Variants in EPB41L4B observed in about 807,000 individuals in gnomAD.
EPB41L4B encodes the protein erythrocyte membrane protein band 4.1 like 4B, also known as band 4.1-like protein 4B.
EPB41L4B carries 30 observed loss-of-function variants against 112.5 expected under a neutral mutation model. The ratio of observed to expected loss-of-function variants is 0.27; its 90% CI spans 0.20 to 0.36. EPB41L4B has a LOEUF of 0.36. Ranked by LOEUF, EPB41L4B falls within the 10% of genes least tolerant of loss-of-function variation. The pLI, the probability that EPB41L4B is intolerant of heterozygous loss-of-function variation, is 1.00. For synonymous variants in EPB41L4B, 408 were observed against 439.7 expected (o/e 0.93, Z 0.90); for missense variants, 1,024 against 1,133.3 (o/e 0.90, Z 1.38).
chr9:109,279,982 G>T, intron 1 of EPB41L4B, 61 bp from the exon 2 acceptor site: 2 of 1,336,748 alleles, frequency 1.5e-6, no homozygotes, highest in Non-Finnish European at 2.1e-6. Flanking sequence ...AGAAAAAAAA[G>T]GTTAAAAAAA....
At chr9:109,316,532 G>A (rs1040039597) in intron 1 of EPB41L4B, among the ~76,000 whole-genome samples, 12 of 152,180 alleles carry the variant, frequency 7.9e-5, no homozygotes, top group African/African-American at 2.7e-4. Flanking sequence ...AGGGAGTCCT[G>A]CCCTGCTCTG....
At chr9:109,276,152 TATACACACAC>T (rs1835812254) in intron 2 of EPB41L4B, among the ~76,000 whole-genome samples, 1 of 119,728 alleles carries the variant, frequency 8.4e-6, no homozygotes, top group African/African-American at 3.4e-5. Context: ...TACGTGTGTG[TATACACACAC>T]ACACACACAC....
intron 1 of EPB41L4B, among the ~76,000 whole-genome samples, chr9:109,306,152 T>C (rs2119241143): frequency 6.6e-6 from 1 of 152,210 alleles, no homozygotes; most frequent in Non-Finnish European, 1.5e-5. Flanking sequence ...TTCTATAAAA[T>C]TAGAACACCC....
At chr9:109,297,350 A>T (rs886430570) in intron 1 of EPB41L4B, among the ~76,000 whole-genome samples, 1 of 152,208 alleles carries the variant, frequency 6.6e-6, no homozygotes, top group Non-Finnish European at 1.5e-5. Context: ...TTGTTACAGC[A>T]GTCCTAGCAA....
chr9:109,202,898 G>A (rs955040298), intron 19 of EPB41L4B, among the ~76,000 whole-genome samples: 5 of 152,138 alleles, frequency 3.3e-5, no homozygotes, highest in African/African-American at 9.7e-5. Context: ...GCTCACACCT[G>A]TAATCTCAGC....
At chr9:109,214,784 G>A (rs1287349238) in intron 16 of EPB41L4B, among the ~76,000 whole-genome samples, 1 of 152,090 alleles carries the variant, frequency 6.6e-6, no homozygotes, top group Non-Finnish European at 1.5e-5. Flanking sequence ...GTCTGTGTAT[G>A]GCCCTGCTCA....
intron 1 of EPB41L4B, among the ~76,000 whole-genome samples, chr9:109,290,756 TCACACACACACACA>T (rs138900441): frequency 7.1e-6 from 1 of 141,436 alleles, no homozygotes; most frequent in African/African-American, 2.6e-5. Context: ...TATATATACC[TCACACACACACACA>T]CACACACACA....
rs1444355030 is a variant in EPB41L4B, at chr9:109,256,231, A to G, written c.841-7T>C. On this transcript the variant is annotated splice_region_variant and splice_polypyrimidine_tract_variant and intron_variant, in intron 8 of 25. Transcript: ENST00000374566. ...ATTCACAGCCATCTCTTCCCTACAA[A>G]CAAACGAAGTGACAATCGGTAGAGG... 1 of 1,613,620 alleles carries G rather than the reference A, an allele frequency of 6.2e-7. No individual in the cohort carries two copies. Among genetic ancestry groups the G allele is most frequent in the South Asian group, 1.1e-5 (1 of 91,044 alleles).
chr9:109,268,381 G>T lies in EPB41L4B; in HGVS notation c.454+10C>A. 6.2e-7 allele frequency: 1 copy of T among 1,610,350 alleles called. No homozygotes were observed. The highest frequency in any genetic ancestry group is 1.3e-5 in the African/African-American group (1 of 74,810). ...AAAATAAATGAGTGAGCTAAATTCT[G>T]CTTACTTACTTTTCATCTGCTTTTT... On this transcript the variant is annotated intron_variant, in intron 3 of 25. Transcript: ENST00000374566.
At chr9:109,188,808 T>C (rs954920907) in intron 22 of EPB41L4B, among the ~76,000 whole-genome samples, 4 of 152,126 alleles carry the variant, frequency 2.6e-5, no homozygotes, top group African/African-American at 4.8e-5. Context: ...TGGGTGTTAA[T>C]TGGCTCTGCT....
intron 1 of EPB41L4B, among the ~76,000 whole-genome samples, chr9:109,286,634 A>C (rs1836293502): frequency 2.0e-5 from 3 of 152,150 alleles, no homozygotes; most frequent in Admixed American, 2.0e-4. Flanking sequence ...ATTGCTCATC[A>C]AGTCCCAACC....
intron 1 of EPB41L4B, among the ~76,000 whole-genome samples, chr9:109,288,915 G>A (rs963209770): frequency 4.6e-5 from 7 of 151,156 alleles, no homozygotes; most frequent in Non-Finnish European, 7.4e-5. Flanking sequence ...GGAAAGGAAA[G>A]GAAGGAAAAA....
At chr9:109,239,093 G>C (rs1834259469) in intron 15 of EPB41L4B, among the ~76,000 whole-genome samples, 1 of 152,178 alleles carries the variant, frequency 6.6e-6, no homozygotes, top group Non-Finnish European at 1.5e-5. Flanking sequence ...AGCTTGTCAG[G>C]AGCAACTGGA....
intron 4 of EPB41L4B, 104 bp from the exon 5 acceptor site, chr9:109,265,128 T>C (rs1178045871): frequency 1.1e-6 from 1 of 914,124 alleles, no homozygotes; most frequent in Non-Finnish European, 1.7e-6. Context: ...CATGGAGTTT[T>C]GCATTGTAAA....
intron 1 of EPB41L4B, among the ~76,000 whole-genome samples, chr9:109,297,738 T>C (rs964088093): frequency 2.0e-5 from 3 of 152,218 alleles, no homozygotes; most frequent in Non-Finnish European, 4.4e-5. Flanking sequence ...CTGTCCCTAA[T>C]AGCCTGGATG....
chr9:109,253,815 A>G (rs2119018207), intron 11 of EPB41L4B, among the ~76,000 whole-genome samples: 1 of 152,342 alleles, frequency 6.6e-6, no homozygotes, highest in African/African-American at 2.4e-5. Flanking sequence ...TGCACAAACC[A>G]AGCAGGTTTG....
At chr9:109,253,400 G>A (rs1834866543) in intron 12 of EPB41L4B, 41 bp downstream of exon 12, 3 of 1,425,068 alleles carry the variant, frequency 2.1e-6, no homozygotes, top group Non-Finnish European at 3.0e-6. Flanking sequence ...AATGACTCAA[G>A]CATAATGTAA....
At chr9:109,208,567 A>T (rs1833059113) in intron 17 of EPB41L4B, among the ~76,000 whole-genome samples, 1 of 152,122 alleles carries the variant, frequency 6.6e-6, no homozygotes, top group African/African-American at 2.4e-5. Context: ...AATTTGCATG[A>T]CCTTTATAAT....
intron 1 of EPB41L4B, among the ~76,000 whole-genome samples, chr9:109,310,123 A>C (rs1272769546): frequency 6.6e-6 from 1 of 152,134 alleles, no homozygotes; most frequent in African/African-American, 2.4e-5. Context: ...CCAAATGTCC[A>C]CACAGGATCA....
Sources: allele counts gnomAD v4.1 joint callset (sites outside exome capture counted in the v4.1 genomes callset), GRCh38; gene constraint gnomAD v4.1.1; transcripts MANE v1.5; gene names NCBI Gene and HGNC (gene_info 2026-07-23, HGNC 2026-07-21).